The following CCKAR variants were observed in gnomAD, a reference collection of about 807,000 sequenced individuals.
CCKAR encodes cholecystokinin A receptor, also known as cholecystokinin receptor type A.
Under a neutral mutation model 29.8 loss-of-function variants are expected in CCKAR, and 21 were observed. That is an observed-to-expected ratio of 0.70 (90% CI 0.50 to 1.01). The LOEUF (loss-of-function observed/expected upper bound fraction) is 1.01. Among genes scored for constraint, CCKAR ranks in the 50% least tolerant of loss-of-function variants. The pLI, the probability that CCKAR is intolerant of heterozygous loss-of-function variation, is 0.00. For synonymous variants in CCKAR, 238 were observed against 221.3 expected (o/e 1.08, Z -0.67); for missense variants, 570 against 560.6 (o/e 1.02, Z -0.17).
At position 26,490,301 on chromosome 4, in the gene CCKAR, G is replaced by T; in HGVS notation, c.-34C>A. ...GCTGCTTTCCACCAAGTGCTGGAGA[G>T]CTGGTGAATTGCTCACTCCCGGCTC... On this transcript the variant is annotated 5_prime_UTR_variant, in exon 1 of 5. Transcript: ENST00000295589. 1.4e-6 allele frequency: 2 copies of T among 1,399,962 alleles called. No individual in the cohort carries two copies. The highest frequency in any genetic ancestry group is 1.0e-6 in the Non-Finnish European group (1 of 985,852). 86.7% of individuals were successfully genotyped at this position (1,399,962 alleles called of 1,614,324 possible).
intron 3 of CCKAR, among the ~76,000 whole-genome samples, chr4:26,484,559 T>C (rs1334066908): frequency 2.0e-5 from 3 of 152,188 alleles, no homozygotes; most frequent in Admixed American, 2.0e-4. Flanking sequence ...CTTATAGAGA[T>C]AAGGAACCTG....
chr4:26,483,551 T>A (rs749896385), intron 3 of CCKAR, among the ~76,000 whole-genome samples: 4 of 152,174 alleles, frequency 2.6e-5, no homozygotes, highest in Non-Finnish European at 5.9e-5. Context: ...AGTCTATGTA[T>A]GAAAAAGAAT....
At position 26,489,362 on chromosome 4, in the gene CCKAR, A is replaced by G; in HGVS notation, c.235T>C (p.Phe79Leu). The part of the protein sequence containing the change: ...NKRMRTVTNI[F>L]LLSLAVSDLM... ...TCGCTGACAGCCAGGGAGAGGAGGA[A>G]GATGTTGGTGACCGTCCGCATCCGC... The change falls in exon 2 of 5, where the codon TTC becomes CTC. Residue 79 changes from phenylalanine (F) to leucine (L), a missense_variant. By Grantham distance (22) the Phe-to-Leu change is conservative. Transcript: ENST00000295589. The G allele has an allele frequency of 6.2e-7, 1 of 1,614,144 alleles. No homozygotes were observed. Among genetic ancestry groups the G allele is most frequent in the East Asian group, 2.2e-5 (1 of 44,866 alleles).
Position 26,487,847 on chromosome 4 carries a change from G to A in CCKAR, c.364+1386C>T, listed in dbSNP as rs76729701. ...CATAAGATATATATGGATGGGCCTCGGATGTCTACAGTGCTAGTTATTATT... is the reference window on the plus strand; with the variant it reads ...CATAAGATATATATGGATGGGCCTCAGATGTCTACAGTGCTAGTTATTATT... On this transcript the variant is annotated intron_variant, in intron 2 of 4. Transcript: ENST00000295589. Among the ~76,000 whole-genome samples the A allele has an allele frequency of 6.0e-3, 907 of 151,900 alleles. 69 individuals are homozygous for A. In the East Asian group the frequency reaches 0.16, roughly 27 times the overall value.
intron 4 of CCKAR, 88 bp from the exon 5 acceptor site, chr4:26,482,258 TCCAAA>T: frequency 7.7e-7 from 1 of 1,301,862 alleles, no homozygotes. Context: ...CATCAAGAAG[TCCAAA>T]CCAAACAGGA....
At chr4:26,482,279 G>A in intron 4 of CCKAR, 109 bp from the exon 5 acceptor site, 2 of 1,007,198 alleles carry the variant, frequency 2.0e-6, no homozygotes, top group Admixed American at 4.7e-5. Flanking sequence ...CAGGAACTGA[G>A]AAATGGCAGA....
Position 26,490,478 on chromosome 4 carries a change from A to G in CCKAR, c.-211T>C. The G allele has an allele frequency of 3.9e-6, 2 of 507,856 alleles. No homozygotes were observed. Among genetic ancestry groups the G allele is most frequent in the Non-Finnish European group, 7.2e-6 (2 of 278,494 alleles). 31.5% of individuals were successfully genotyped at this position (507,856 alleles called of 1,614,324 possible). ...AGCATTTGTACTCCTGTTGTGGAAA[A>G]GGCAGTGAGCACAAGCCAAGCCCGC... On this transcript the variant is annotated 5_prime_UTR_variant, in exon 1 of 5. Coordinates refer to ENST00000295589, the MANE Select transcript of CCKAR (RefSeq NM_000730.3).
At chr4:26,490,051 C>A in intron 1 of CCKAR, 105 bp downstream of exon 1, 1 of 708,346 alleles carries the variant, frequency 1.4e-6, no homozygotes, top group Admixed American at 2.3e-5. Flanking sequence ...CTAGCCTTGT[C>A]TCACAATGAC....
chr4:26,482,148 G>A lies in CCKAR; in HGVS notation c.777C>T (p.Ser259=), dbSNP rs926545129. ...CATCGCTGTCCTCATATTTGCCGCT[G>A]CTGGTGGTGCTAGGTTTCCTTTCTG... The part of the protein sequence containing the change: ...SAKERKPSTT[S]SGKYEDSDGC... The change falls in exon 5 of 5, where the codon AGC becomes AGT. Residue 259 remains serine, a synonymous_variant. Transcript: ENST00000295589. The A allele has an allele frequency of 3.1e-6, 5 of 1,610,638 alleles. No individual in the cohort carries two copies. The African/African-American group carries it at 6.7e-5, about 22-fold the overall frequency.
At position 26,485,871 on chromosome 4, in the gene CCKAR, T is replaced by C; in HGVS notation, c.392A>G (p.Asn131Ser). 7 of 1,613,704 alleles carry C rather than the reference T, an allele frequency of 4.3e-6. No individual in the cohort carries two copies. Among genetic ancestry groups the C allele is most frequent in the Non-Finnish European group, 5.9e-6 (7 of 1,179,868 alleles). Residue 131 changes from asparagine (N) to serine (S), a missense_variant, in exon 3 of 5, where the codon AAT (asparagine) becomes AGT (serine). Coordinates refer to ENST00000295589, the MANE Select transcript of CCKAR (RefSeq NM_000730.3). ...TCTCTCTAGAGATATGGCTACCAGATTAAAGGTAGATACACTCACAGAGGT... is the reference window on the plus strand; with the variant it reads ...TCTCTCTAGAGATATGGCTACCAGACTAAAGGTAGATACACTCACAGAGGT... ...MGTSVSVSTF[N>S]LVAISLERYG... is the part of the protein sequence containing the mutation.
rs1307643222 is a variant in CCKAR, at chr4:26,489,232, C to A, written c.364+1G>T. The A allele has an allele frequency of 6.2e-7, 1 of 1,613,930 alleles. No individual in the cohort carries two copies. Among genetic ancestry groups the A allele is most frequent in the Non-Finnish European group, 8.5e-7 (1 of 1,179,888 alleles). ...AGAAAGAGTCACCAGCAGCAACTTACCCATGAAGTAGGTGGTGGTCTTGCA... is the reference window on the plus strand; with the variant it reads ...AGAAAGAGTCACCAGCAGCAACTTAACCATGAAGTAGGTGGTGGTCTTGCA... On this transcript the variant is annotated splice_donor_variant, in intron 2 of 4. Coordinates refer to ENST00000295589, the MANE Select transcript of CCKAR (RefSeq NM_000730.3). LOFTEE classifies it high-confidence loss of function.
At position 26,481,493 on chromosome 4, in the gene CCKAR, A is replaced by C; in HGVS notation, c.*145T>G. The C allele has an allele frequency of 1.1e-6, 1 of 871,656 alleles. No individual in the cohort carries two copies. Among genetic ancestry groups the C allele is most frequent in the Non-Finnish European group, 1.8e-6 (1 of 555,296 alleles). 54.0% of individuals were successfully genotyped at this position (871,656 alleles called of 1,614,324 possible). On this transcript the variant is annotated 3_prime_UTR_variant, in exon 5 of 5. Coordinates refer to ENST00000295589, the MANE Select transcript of CCKAR (RefSeq NM_000730.3). ...TGCTCTGGAATCCAGATGAAGGATG[A>C]AAAGCAGACCTTGAAGAGTTCCCAC... is the stretch of plus-strand genomic sequence containing the variant.
chr4:26,485,921 G>T, intron 2 of CCKAR, 23 bp from the exon 3 acceptor site: 1 of 1,603,404 alleles, frequency 6.2e-7, no homozygotes, highest in Non-Finnish European at 8.5e-7. Context: ...CAAAGAAGCC[G>T]GTTATGTTGA....
intron 2 of CCKAR, among the ~76,000 whole-genome samples, chr4:26,487,057 A>T (rs183077412): frequency 6.6e-6 from 1 of 152,312 alleles, no homozygotes; most frequent in East Asian, 1.9e-4. Flanking sequence ...GTATATGCAT[A>T]CTTATTAAAA....
Position 26,483,232 on chromosome 4 carries a change from C to T in CCKAR, c.678G>A (p.Met226Ile). ...CCAAAGAGATTAATCCATATGCCACCATCATCACAATTCCAGGAATAAGAA... is the reference window on the plus strand; with the variant it reads ...CCAAAGAGATTAATCCATATGCCACTATCATCACAATTCCAGGAATAAGAA... ...ILFLIPGIVM[M>I]VAYGLISLEL... Residue 226 changes from methionine to isoleucine, a missense_variant, in exon 4 of 5, where the codon ATG (methionine) becomes ATA (isoleucine). Transcript: ENST00000295589. 1 of 1,613,530 alleles carries T rather than the reference C, an allele frequency of 6.2e-7. No individual in the cohort carries two copies. The highest frequency in any genetic ancestry group is 2.2e-5 in the East Asian group (1 of 44,826).
chr4:26,483,046 TA>T, intron 4 of CCKAR, 109 bp downstream of exon 4: 1 of 1,118,334 alleles, frequency 8.9e-7, no homozygotes, highest in Non-Finnish European at 1.3e-6. Flanking sequence ...TAAGAATACT[TA>T]AAAGCTTTTC....
Position 26,482,183 on chromosome 4 carries a change from G to A in CCKAR, c.755-13C>T, listed in dbSNP as rs1386809120. The stretch of plus-strand genomic sequence containing the variant: ...CTAGGTTTCCTTTCTGGGTGGGCAA[G>A]AGACATCACTCATTGCTGGGGATGG... On this transcript the variant is annotated splice_polypyrimidine_tract_variant and intron_variant, in intron 4 of 4. Transcript: ENST00000295589. The A allele has an allele frequency of 3.1e-6, 5 of 1,595,280 alleles. No homozygotes were observed. The highest frequency in any genetic ancestry group is 3.4e-6 in the Non-Finnish European group (4 of 1,169,336).
rs746055437 is a variant in CCKAR, at chr4:26,490,198, T to C, written c.70A>G (p.Asn24Asp). The C allele has an allele frequency of 1.9e-6, 3 of 1,613,640 alleles. No individual in the cohort carries two copies. Among genetic ancestry groups the C allele is most frequent in the Non-Finnish European group, 2.5e-6 (3 of 1,179,886 alleles). Residue 24 changes from asparagine to aspartate, a missense_variant, in exon 1 of 5, where the codon AAT (asparagine) becomes GAT (aspartate). Asn to Asp is a conservative substitution (Grantham distance 23). Coordinates refer to ENST00000295589, the MANE Select transcript of CCKAR (RefSeq NM_000730.3). ...ITPPCELGLE[N>D]ETLFCLDQPR... Reference sequence around the variant, plus strand: ...TGATCCAAGCAGAAAAGCGTCTCATTTTCGAGCCCGAGTTCACAGGGAGGA... The same window carrying C: ...TGATCCAAGCAGAAAAGCGTCTCATCTTCGAGCCCGAGTTCACAGGGAGGA...
rs1344367417 is a variant in CCKAR, at chr4:26,483,345, G to A, written c.627-62C>T. On this transcript the variant is annotated intron_variant, in intron 3 of 4. Transcript: ENST00000295589. ...TTAGACCTTCAAACTCAAATGGGAA[G>A]GAATGAATAGGGTTTATGTTTATTT... 6 of 1,531,752 alleles carry A rather than the reference G, an allele frequency of 3.9e-6. No homozygotes were observed. In the African/African-American group the frequency reaches 8.2e-5, roughly 21 times the overall value. The allele number at this position is 1,531,752 out of a possible 1,614,324, so 94.9% of individuals were successfully genotyped here. A position where few individuals can be genotyped will look rare whatever the true frequency, so the allele number is the denominator to read the frequency against.
Sources: allele counts gnomAD v4.1 joint callset (sites outside exome capture counted in the v4.1 genomes callset), GRCh38; gene constraint gnomAD v4.1.1; transcripts MANE v1.5; gene names NCBI Gene and HGNC (gene_info 2026-07-23, HGNC 2026-07-21).